Variants in SPP1 observed in about 807,000 individuals in gnomAD.
SPP1 encodes the protein osteopontin.
A neutral mutation model predicts 20.8 loss-of-function variants in SPP1; 18 were observed. The ratio of observed to expected loss-of-function variants is 0.87; its 90% CI spans 0.60 to 1.29. The LOEUF (loss-of-function observed/expected upper bound fraction) is 1.29, where lower values mean the gene tolerates loss of function less well. SPP1 is among the 50% of genes most tolerant of loss of function. SPP1 has a pLI of 0.00. For synonymous variants in SPP1, 146 were observed against 141.5 expected (o/e 1.03, Z -0.23); for missense variants, 363 against 389.0 (o/e 0.93, Z 0.56).
intron 3 of SPP1, among the ~76,000 whole-genome samples, chr4:87,979,462 C>T (rs1725559302): frequency 6.6e-6 from 1 of 152,098 alleles, no homozygotes; most frequent in East Asian, 1.9e-4. Flanking sequence ...GGTGAGCCAC[C>T]GTGCCTAGCC....
At chr4:87,977,174 G>A in intron 3 of SPP1, 77 bp downstream of exon 3, 1 of 1,387,434 alleles carries the variant, frequency 7.2e-7, no homozygotes, top group Non-Finnish European at 1.0e-6. Context: ...CGTATTTGCT[G>A]CGATATTACT....
intron 6 of SPP1, 108 bp from the exon 7 acceptor site, chr4:87,982,384 G>A: frequency 1.5e-6 from 2 of 1,355,598 alleles, no homozygotes; most frequent in East Asian, 2.4e-5. Flanking sequence ...GCCAGATTTA[G>A]ACAATTTTTA....
intron 3 of SPP1, 25 bp downstream of exon 3, chr4:87,977,122 T>C (rs898521872): frequency 6.2e-7 from 1 of 1,607,660 alleles, no homozygotes; most frequent in Admixed American, 1.7e-5. Flanking sequence ...TGTTTTTATA[T>C]AGTTAAATCA....
chr4:87,982,666 A>G lies in SPP1; in HGVS notation c.715A>G (p.Ser239Gly). The change falls in exon 7 of 7, where the codon AGC becomes GGC. Residue 239 changes from serine to glycine, a missense_variant. Coordinates refer to ENST00000395080, the MANE Select transcript of SPP1 (RefSeq NM_001040058.2). ...QLDDQSAETH[S>G]HKQSRLYKRK... is the part of the protein sequence containing the mutation. ...GGATGACCAGAGTGCTGAAACCCAC[A>G]GCCACAAGCAGTCCAGATTATATAA... 6.2e-7 allele frequency: 1 copy of G among 1,614,152 alleles called. No homozygotes were observed. The highest frequency in any genetic ancestry group is 8.5e-7 in the Non-Finnish European group (1 of 1,180,034).
chr4:87,976,983 A>C, intron 2 of SPP1, 34 bp downstream of exon 2: 3 of 1,613,354 alleles, frequency 1.9e-6, no homozygotes, highest in Non-Finnish European at 2.5e-6. Flanking sequence ...AAAATTCCTG[A>C]AAATAACTGA....
intron 3 of SPP1, among the ~76,000 whole-genome samples, chr4:87,978,418 C>G (rs1317863291): frequency 1.9e-5 from 2 of 106,802 alleles, no homozygotes; most frequent in African/African-American, 7.5e-5. Flanking sequence ...TTTTTTGAGA[C>G]GGAGTCTCGC....
chr4:87,977,098 G>A lies in SPP1; in HGVS notation c.93+1G>A, dbSNP rs761421692. 2 of 1,613,160 alleles carry A rather than the reference G, an allele frequency of 1.2e-6. No homozygotes were observed. ...TTCTGGAAGTTCTGAGGAAAAGCAGGTAAGCATCTTTTATGTTTTTATATA... is the reference window on the plus strand; with the variant it reads ...TTCTGGAAGTTCTGAGGAAAAGCAGATAAGCATCTTTTATGTTTTTATATA... On this transcript the variant is annotated splice_donor_variant, in intron 3 of 6. Transcript: ENST00000395080. LOFTEE classifies it high-confidence loss of function.
intron 3 of SPP1, 116 bp downstream of exon 3, chr4:87,977,213 C>A: frequency 9.5e-7 from 1 of 1,054,218 alleles, no homozygotes; most frequent in African/African-American, 1.6e-5. Flanking sequence ...CATTGGTTTA[C>A]AAGTATTGAT....
At chr4:87,979,904 C>CAAAA (rs201149454) in intron 3 of SPP1, 142 bp from the exon 4 acceptor site, 7 of 613,838 alleles carry the variant, frequency 1.1e-5, no homozygotes, top group African/African-American at 6.1e-5. Context: ...AATGAATCTG[C>CAAAA]AAAAAAAAAA....
At chr4:87,978,690 ATCT>A (rs1173585503) in intron 3 of SPP1, among the ~76,000 whole-genome samples, 1 of 151,812 alleles carries the variant, frequency 6.6e-6, no homozygotes, top group African/African-American at 2.4e-5. Context: ...CTGTTTTTTC[ATCT>A]TCTTAAAGCA....
chr4:87,979,921 C>CA, intron 3 of SPP1, 125 bp from the exon 4 acceptor site: 1 of 822,334 alleles, frequency 1.2e-6, no homozygotes. Flanking sequence ...AAAAAAATTA[C>CA]AAAAAGGTAC....
At chr4:87,980,772 C>A in intron 5 of SPP1, 1 of 236,976 alleles carries the variant, frequency 4.2e-6, no homozygotes, top group Non-Finnish European at 8.0e-6. Flanking sequence ...AGTTTTCTTT[C>A]CTAATAAAAT....
At chr4:87,978,541 C>T (rs1051949543) in intron 3 of SPP1, among the ~76,000 whole-genome samples, 2 of 151,838 alleles carry the variant, frequency 1.3e-5, no homozygotes, top group African/African-American at 4.8e-5. Context: ...CGCCACCACG[C>T]CCGGATAATT....
chr4:87,980,538 C>T (rs1475088507), intron 5 of SPP1, 104 bp downstream of exon 5: 2 of 1,256,082 alleles, frequency 1.6e-6, no homozygotes, highest in Non-Finnish European at 2.2e-6. Context: ...AGTTTTCCAG[C>T]TAATTGGCAG....
Position 87,983,036 on chromosome 4 carries a change from T to C in SPP1, c.*140T>C, listed in dbSNP as rs928007803. On this transcript the variant is annotated 3_prime_UTR_variant, in exon 7 of 7. Coordinates refer to ENST00000395080, the MANE Select transcript of SPP1 (RefSeq NM_001040058.2). ...TCTATTTGAGTCTGGAAATAACTAA[T>C]GTGTTTGATAATTAGTTTAGTTTGT... 4.6e-5 allele frequency: 40 copies of C among 875,474 alleles called. No individual in the cohort carries two copies. The African/African-American group carries it at 6.6e-4, about 14-fold the overall frequency. The allele number at this position is 875,474 out of a possible 1,614,324, so 54.2% of individuals were successfully genotyped here.
intron 1 of SPP1, 33 bp from the exon 2 acceptor site, chr4:87,976,849 G>GA (rs778420336): frequency 6.6e-7 from 1 of 1,523,556 alleles, no homozygotes; most frequent in African/African-American, 1.4e-5. Context: ...AACCTATGAA[G>GA]ATGTCAGCTA....
chr4:87,979,668 A>AG (rs1180130274), intron 3 of SPP1, among the ~76,000 whole-genome samples: 1 of 152,206 alleles, frequency 6.6e-6, no homozygotes, highest in Non-Finnish European at 1.5e-5. Context: ...AAGAAAGCAC[A>AG]GTGTGAAGTT....
chr4:87,981,606 T>G lies in SPP1; in HGVS notation c.348T>G (p.Asp116Glu), dbSNP rs1279655864. The change falls in exon 6 of 7, where the codon GAT (aspartate) becomes GAG (glutamate). Residue 116 changes from aspartate to glutamate, a missense_variant. By Grantham distance (45) the Asp-to-Glu change is conservative. Transcript: ENST00000395080. Reference protein sequence around the residue: ...NDSDDVDDTDDSHQSDESHHS... With the variant: ...NDSDDVDDTDESHQSDESHHS... The stretch of plus-strand genomic sequence containing the variant: ...CTGATGATGTAGATGACACTGATGA[T>G]TCTCACCAGTCTGATGAGTCTCACC... 2 of 1,614,062 alleles carry G rather than the reference T, an allele frequency of 1.2e-6. No homozygotes were observed. The highest frequency in any genetic ancestry group is 3.3e-5 in the Admixed American group (2 of 60,004).
At chr4:87,980,158 G>C (rs1449287967) in intron 4 of SPP1, 32 bp downstream of exon 4, 3 of 1,611,050 alleles carry the variant, frequency 1.9e-6, no homozygotes, top group Non-Finnish European at 2.5e-6. Context: ...TTAAACTACA[G>C]TGATGAAAGA....
Sources: gnomAD v4.1 joint callset for allele counts (sites outside exome capture counted in the v4.1 genomes callset) on GRCh38, gnomAD v4.1.1 for gene constraint, MANE v1.5 for transcripts, NCBI Gene and HGNC (gene_info 2026-07-23, HGNC 2026-07-21) for gene names.